The following CCDC117 variants were observed in gnomAD, a reference collection of about 807,000 sequenced individuals.
CCDC117 encodes the protein coiled-coil domain containing 117, also known as coiled-coil domain-containing protein 117.
A neutral mutation model predicts 23.5 loss-of-function variants in CCDC117; 1 was observed. The ratio of observed to expected loss-of-function variants is 0.04; its 90% CI spans 0.02 to 0.20. The LOEUF (loss-of-function observed/expected upper bound fraction) is 0.20, where lower values mean the gene tolerates loss of function less well. Ranked by LOEUF, CCDC117 falls within the 10% of genes least tolerant of loss-of-function variation. CCDC117 has a pLI of 1.00. For synonymous variants in CCDC117, 132 were observed against 124.8 expected, an observed-to-expected ratio of 1.06 and a Z score of -0.39; for missense variants, 383 against 348.2, an observed-to-expected ratio of 1.10 and a Z score of -0.80.
chr22:28,785,924 TA>T (rs35631283), intron 4 of CCDC117, among the ~76,000 whole-genome samples, 164 bp from the exon 5 acceptor site: 20,875 of 135,888 alleles, frequency 0.15, 1,629 homozygotes, highest in South Asian at 0.3. Context: ...CCCCATCTCT[TA>T]AAAAAAAAAA....
chr22:28,773,230 C>T (rs537889562), intron 1 of CCDC117, 196 bp downstream of exon 1: 101 of 164,004 alleles, frequency 6.2e-4, no homozygotes, highest in Non-Finnish European at 1.0e-3. Flanking sequence ...AACTGTAAGT[C>T]GCCGGGGGTC....
chr22:28,783,767 T>C, intron 4 of CCDC117, 122 bp downstream of exon 4: 1 of 943,042 alleles, frequency 1.1e-6, no homozygotes, highest in Non-Finnish European at 1.6e-6. Context: ...CAATTGGAGA[T>C]TGGCTTTTTC....
intron 1 of CCDC117, among the ~76,000 whole-genome samples, 159 bp from the exon 2 acceptor site, chr22:28,773,566 G>A (rs903842294): frequency 6.6e-6 from 1 of 152,186 alleles, no homozygotes; most frequent in Non-Finnish European, 1.5e-5. Flanking sequence ...GCAATCCACC[G>A]TTACCCGACT....
intron 4 of CCDC117, among the ~76,000 whole-genome samples, chr22:28,783,886 C>G (rs182852323): frequency 6.7e-4 from 102 of 152,282 alleles, no homozygotes; most frequent in Non-Finnish European, 1.2e-4. Context: ...CTGAAATGGA[C>G]TGCAGTCTGC....
intron 2 of CCDC117, among the ~76,000 whole-genome samples, chr22:28,774,012 A>G (rs951696485): frequency 3.9e-5 from 6 of 152,204 alleles, no homozygotes; most frequent in Non-Finnish European, 8.8e-5. Flanking sequence ...AGCCATGTTA[A>G]TATTACATGC....
Position 28,788,314 on chromosome 22 carries a change from ATG to A in CCDC117, c.*1992_*1993del, listed in dbSNP as rs2031577069. The A allele has an allele frequency of 6.6e-6, 1 of 152,670 alleles. No individual in the cohort carries two copies. 9.5% of individuals were successfully genotyped at this position (152,670 alleles called of 1,614,324 possible). A position where few individuals can be genotyped will look rare whatever the true frequency, so the allele number is the denominator to read the frequency against. ...CTTAAATAAATCTCCATGCTGAAAA[ATG>A]TGTTCTAATGCAACACAAAAACATG... On this transcript the variant is annotated 3_prime_UTR_variant, in exon 5 of 5. Coordinates refer to ENST00000249064, the MANE Select transcript of CCDC117 (RefSeq NM_173510.4).
chr22:28,780,124 G>C (rs552160176), intron 2 of CCDC117, among the ~76,000 whole-genome samples: 1 of 152,126 alleles, frequency 6.6e-6, no homozygotes, highest in Non-Finnish European at 1.5e-5. Context: ...GGAGAAGCCG[G>C]GTTAGTTTTT....
intron 2 of CCDC117, among the ~76,000 whole-genome samples, chr22:28,780,196 T>G (rs866182693): frequency 6.6e-6 from 1 of 152,160 alleles, no homozygotes; most frequent in Non-Finnish European, 1.5e-5. Flanking sequence ...TTCTATGAAA[T>G]ACAAATTTGT....
rs770172921 is a variant in CCDC117, at chr22:28,789,264, C to G, written c.*2938C>G. The G allele has an allele frequency of 6.6e-6, 1 of 152,108 alleles. No individual in the cohort carries two copies. The highest frequency in any genetic ancestry group is 2.4e-5 in the African/African-American group (1 of 41,424). The allele number at this position is 152,108 out of a possible 1,614,324, so 9.4% of individuals were successfully genotyped here. A position where few individuals can be genotyped will look rare whatever the true frequency, so the allele number is the denominator to read the frequency against. On this transcript the variant is annotated 3_prime_UTR_variant, in exon 5 of 5. Transcript: ENST00000249064. ...AGAATCTGGTGTTACTGTATTTTATCGTTTTCAATAAAACTTCTTAAGTGT... is the reference window on the plus strand; with the variant it reads ...AGAATCTGGTGTTACTGTATTTTATGGTTTTCAATAAAACTTCTTAAGTGT...
rs1046533517 is a variant in CCDC117 at position 28,786,454 on chromosome 22, T to C, written c.*128T>C. On this transcript the variant is annotated 3_prime_UTR_variant, in exon 5 of 5. Transcript: ENST00000249064. ...TGTAATAATATCTCCACCTGTGATT[T>C]GGGGGTGGGACTCTTATTTTGGGTA... 13 of 623,024 alleles carry C rather than the reference T, an allele frequency of 2.1e-5. No homozygotes were observed. The highest frequency in any genetic ancestry group is 3.2e-5 in the Non-Finnish European group (12 of 369,988). The allele number at this position is 623,024 out of a possible 1,614,324, so 38.6% of individuals were successfully genotyped here.
chr22:28,777,211 C>T (rs114617170), intron 2 of CCDC117, among the ~76,000 whole-genome samples: 1,908 of 151,602 alleles, frequency 0.013, 47 homozygotes, highest in African/African-American at 0.044. Context: ...ATCTTTGGTA[C>T]AGACGGGGTT....
chr22:28,777,757 C>T (rs574254612), intron 2 of CCDC117, among the ~76,000 whole-genome samples: 1 of 152,200 alleles, frequency 6.6e-6, no homozygotes, highest in South Asian at 2.1e-4. Context: ...ATCCACCCGC[C>T]TCAGCCTCCC....
intron 2 of CCDC117, among the ~76,000 whole-genome samples, chr22:28,780,420 A>T (rs2031284574): frequency 2.0e-5 from 3 of 152,206 alleles, no homozygotes; most frequent in Non-Finnish European, 2.9e-5. Flanking sequence ...TATATGTTTG[A>T]TGGAGCAGTA....
At chr22:28,784,970 C>T (rs543028521) in intron 4 of CCDC117, among the ~76,000 whole-genome samples, 1 of 152,090 alleles carries the variant, frequency 6.6e-6, no homozygotes, top group South Asian at 2.1e-4. Context: ...GGAGTTTTCA[C>T]CATGTTAGCC....
intron 2 of CCDC117, among the ~76,000 whole-genome samples, chr22:28,778,506 G>A (rs2146248280): frequency 6.6e-6 from 1 of 152,228 alleles, no homozygotes; most frequent in Non-Finnish European, 1.5e-5. Context: ...TACTCGGGGG[G>A]CTGAGGCGGG....
chr22:28,781,346 T>TTTTG lies in CCDC117; in HGVS notation c.464+177_464+178insGTTT, dbSNP rs1569198949. Among the ~76,000 whole-genome samples, 26 of 9,746 alleles carry TTTTG rather than the reference T, an allele frequency of 2.7e-3. 3 individuals are homozygous for TTTTG. Among genetic ancestry groups the TTTTG allele is most frequent in the Non-Finnish European group, 3.6e-3 (23 of 6,362 alleles). 6.4% of individuals were successfully genotyped at this position (9,746 alleles called of 152,430 possible). A position where few individuals can be genotyped will look rare whatever the true frequency, so the allele number is the denominator to read the frequency against. On this transcript the variant is annotated intron_variant, in intron 3 of 4. Coordinates refer to ENST00000249064, the MANE Select transcript of CCDC117 (RefSeq NM_173510.4). ...TGTTTTTTTGTTTTGTTTTTTTTTT[T>TTTTG]TTTTTTTTTTTTTTTTTTTTTTGAG... is the stretch of plus-strand genomic sequence containing the variant.
chr22:28,777,139 A>G (rs540785419), intron 2 of CCDC117, among the ~76,000 whole-genome samples: 4 of 150,716 alleles, frequency 2.7e-5, no homozygotes, highest in Admixed American at 2.7e-4. Flanking sequence ...CCCGTGTTCA[A>G]GTGATTCTCC....
chr22:28,772,793 G>A lies in CCDC117; in HGVS notation c.-57G>A. Reference sequence around the variant, plus strand: ...GGCAGTAGCTGTGGCTGCGGCTGCCGGGCCTGGGGACGCGGGCGGCCGAGG... The same window carrying A: ...GGCAGTAGCTGTGGCTGCGGCTGCCAGGCCTGGGGACGCGGGCGGCCGAGG... On this transcript the variant is annotated 5_prime_UTR_variant, in exon 1 of 5. Coordinates refer to ENST00000249064, the MANE Select transcript of CCDC117 (RefSeq NM_173510.4). 5 of 1,208,200 alleles carry A rather than the reference G, an allele frequency of 4.1e-6. No homozygotes were observed. The highest frequency in any genetic ancestry group is 3.3e-5 in the East Asian group (1 of 30,304). 74.8% of individuals were successfully genotyped at this position (1,208,200 alleles called of 1,614,324 possible).
chr22:28,786,219 G>A lies in CCDC117; in HGVS notation c.733G>A (p.Ala245Thr). Reference sequence around the variant, plus strand: ...AGCTAAGCATGTAGCTGCTGGCACTGCCTTCCCTCAGAGAACTGAACTGTT... The same window carrying A: ...AGCTAAGCATGTAGCTGCTGGCACTACCTTCCCTCAGAGAACTGAACTGTT... ...SQAKHVAAGTAFPQRTELFSE... is the reference protein window; with the variant it reads ...SQAKHVAAGTTFPQRTELFSE... The change falls in exon 5 of 5, where the codon GCC becomes ACC. Residue 245 changes from alanine to threonine, a missense_variant. Coordinates refer to ENST00000249064, the MANE Select transcript of CCDC117 (RefSeq NM_173510.4). The A allele has an allele frequency of 6.2e-7, 1 of 1,614,164 alleles. No homozygotes were observed. Among genetic ancestry groups the A allele is most frequent in the East Asian group, 2.2e-5 (1 of 44,886 alleles).
Sources: gnomAD v4.1 joint callset for allele counts (sites outside exome capture counted in the v4.1 genomes callset) on GRCh38, gnomAD v4.1.1 for gene constraint, MANE v1.5 for transcripts, NCBI Gene and HGNC (gene_info 2026-07-23, HGNC 2026-07-21) for gene names.